NPAS3: variants seen among roughly 807,000 people sequenced by gnomAD.
NPAS3 encodes the protein neuronal PAS domain-containing protein 3.
NPAS3 carries 14 observed loss-of-function variants against 73.1 expected under a neutral mutation model. The observed-to-expected ratio is 0.19, with a 90% confidence interval of 0.13 to 0.30. NPAS3 has a LOEUF of 0.30. Ranked by LOEUF, NPAS3 falls within the 10% of genes least tolerant of loss-of-function variation. NPAS3 has a pLI of 1.00. For synonymous variants in NPAS3, 620 were observed against 541.5 expected (o/e 1.14, Z -2.01); for missense variants, 1,096 against 1,250.0 (o/e 0.88, Z 1.86).
At chr14:33,452,573 C>T (rs1332361173) in intron 4 of NPAS3, among the ~76,000 whole-genome samples, 3 of 151,754 alleles carry the variant, frequency 2.0e-5, no homozygotes, top group Non-Finnish European at 2.9e-5. Context: ...GAGATCAAGA[C>T]CATCCTGGCT....
intron 1 of NPAS3, among the ~76,000 whole-genome samples, chr14:32,976,077 G>A (rs2037663953): frequency 6.6e-6 from 1 of 152,132 alleles, no homozygotes; most frequent in African/African-American, 2.4e-5. Flanking sequence ...CCTTCAGGGA[G>A]CTTGATAAAC....
At chr14:33,397,668 T>A (rs970482646) in intron 4 of NPAS3, among the ~76,000 whole-genome samples, 2 of 152,154 alleles carry the variant, frequency 1.3e-5, no homozygotes, top group Non-Finnish European at 2.9e-5. Context: ...TCCCAAGACA[T>A]GTAGGAGACA....
intron 7 of NPAS3, among the ~76,000 whole-genome samples, chr14:33,741,535 C>G (rs769160326): frequency 6.6e-6 from 1 of 152,106 alleles, no homozygotes; most frequent in African/African-American, 2.4e-5. Context: ...CTCTGCTGAC[C>G]TCTGCACAAT....
intron 4 of NPAS3, among the ~76,000 whole-genome samples, chr14:33,531,920 C>T (rs994933384): frequency 1.3e-5 from 2 of 152,108 alleles, no homozygotes; most frequent in Non-Finnish European, 2.9e-5. Flanking sequence ...TTGCAAATGG[C>T]TAGTGATCTT....
intron 4 of NPAS3, among the ~76,000 whole-genome samples, chr14:33,538,800 A>T (rs187889963): frequency 2.6e-5 from 4 of 152,298 alleles, no homozygotes; most frequent in Middle Eastern, 3.4e-3. Context: ...TGCAACCTTA[A>T]GACAGCACAA....
At chr14:33,643,373 A>AT (rs150618153) in intron 5 of NPAS3, among the ~76,000 whole-genome samples, 2,903 of 99,860 alleles carry the variant, frequency 0.029, 59 homozygotes, top group African/African-American at 0.089. Context: ...AGAAATAAAA[A>AT]TTAAAAAAAA....
chr14:33,454,429 A>C (rs766900535), intron 4 of NPAS3, among the ~76,000 whole-genome samples: 3 of 152,172 alleles, frequency 2.0e-5, no homozygotes, highest in Admixed American at 1.3e-4. Context: ...AACAGACTCC[A>C]CCTTTAAGGC....
At chr14:33,043,394 C>G (rs2040407122) in intron 1 of NPAS3, among the ~76,000 whole-genome samples, 1 of 152,088 alleles carries the variant, frequency 6.6e-6, no homozygotes, top group South Asian at 2.1e-4. Flanking sequence ...TATGTTCCCT[C>G]CAATGAATTG....
chr14:33,164,918 T>C (rs909816918), intron 2 of NPAS3, among the ~76,000 whole-genome samples: 1 of 152,102 alleles, frequency 6.6e-6, no homozygotes, highest in African/African-American at 2.4e-5. Flanking sequence ...TAATTTCCCT[T>C]TTCATGGTTA....
intron 3 of NPAS3, among the ~76,000 whole-genome samples, chr14:33,267,196 A>G (rs78303507): frequency 2.6e-5 from 4 of 152,202 alleles, no homozygotes; most frequent in Non-Finnish European, 1.5e-5. Flanking sequence ...GAAGCTGGGC[A>G]TATCAAGGTC....
At chr14:33,103,024 C>T (rs2042622347) in intron 2 of NPAS3, among the ~76,000 whole-genome samples, 3 of 152,048 alleles carry the variant, frequency 2.0e-5, no homozygotes, top group Admixed American at 2.0e-4. Context: ...TGGTTTTCTA[C>T]TAAAGTTGGT....
intron 4 of NPAS3, among the ~76,000 whole-genome samples, chr14:33,468,102 G>A (rs950851154): frequency 2.0e-5 from 3 of 152,106 alleles, no homozygotes; most frequent in Non-Finnish European, 2.9e-5. Context: ...AAATGCAATC[G>A]TTTCCTCCCA....
chr14:33,214,132 A>G (rs1274718365), intron 2 of NPAS3: 2 of 152,188 alleles, frequency 1.3e-5, no homozygotes, highest in Non-Finnish European at 2.9e-5. Context: ...CATAAAAATG[A>G]TTTTAATAGT....
intron 1 of NPAS3, among the ~76,000 whole-genome samples, chr14:33,039,618 C>T (rs544689138): frequency 6.6e-6 from 1 of 152,346 alleles, no homozygotes; most frequent in East Asian, 1.9e-4. Flanking sequence ...ACAGCAATTG[C>T]TTTGAACAGT....
intron 5 of NPAS3, among the ~76,000 whole-genome samples, chr14:33,577,417 A>T (rs944817569): frequency 6.6e-6 from 1 of 152,198 alleles, no homozygotes; most frequent in Non-Finnish European, 1.5e-5. Context: ...GGTACAGCCC[A>T]TCACGGACTC....
intron 6 of NPAS3, among the ~76,000 whole-genome samples, chr14:33,685,479 A>T (rs921752385): frequency 2.0e-5 from 3 of 152,072 alleles, no homozygotes; most frequent in African/African-American, 7.3e-5. Context: ...AATTAGCCTA[A>T]AAATTGCCTA....
intron 1 of NPAS3, among the ~76,000 whole-genome samples, chr14:33,055,424 A>T (rs768239921): frequency 6.6e-6 from 1 of 152,210 alleles, no homozygotes; most frequent in African/African-American, 2.4e-5. Context: ...TTATAAGTCC[A>T]TAGCAAACTC....
At chr14:33,466,535 C>G (rs1402662448) in intron 4 of NPAS3, among the ~76,000 whole-genome samples, 1 of 152,130 alleles carries the variant, frequency 6.6e-6, no homozygotes, top group African/African-American at 2.4e-5. Context: ...TTGTATTAGT[C>G]AGTTCTCACA....
intron 3 of NPAS3, among the ~76,000 whole-genome samples, chr14:33,268,459 G>C (rs1162025966): frequency 6.6e-6 from 1 of 152,142 alleles, no homozygotes; most frequent in Non-Finnish European, 1.5e-5. Context: ...CATGGTTCCT[G>C]TTGTCTTCAT....
Sources: gnomAD v4.1 joint callset for allele counts (sites outside exome capture counted in the v4.1 genomes callset) on GRCh38, gnomAD v4.1.1 for gene constraint, MANE v1.5 for transcripts, NCBI Gene and HGNC (gene_info 2026-07-23, HGNC 2026-07-21) for gene names.